WWOX: variants seen among roughly 807,000 people sequenced by gnomAD.
The protein encoded by WWOX is WW domain containing oxidoreductase, also known as WW domain-containing oxidoreductase.
A neutral mutation model predicts 46.2 loss-of-function variants in WWOX; 69 were observed. The observed-to-expected ratio is 1.49, with a 90% CI of 1.23 to 1.82. The LOEUF (loss-of-function observed/expected upper bound fraction) is 1.82, where lower values mean the gene tolerates loss of function less well. Among genes scored for constraint, WWOX ranks in the 40% most tolerant of loss-of-function variants. WWOX has a pLI of 0.00. For synonymous variants in WWOX, 359 were observed against 202.6 expected, an observed-to-expected ratio of 1.77 and a Z score of -6.56; for missense variants, 919 against 542.6, an observed-to-expected ratio of 1.69 and a Z score of -6.89.
intron 8 of WWOX, among the ~76,000 whole-genome samples, chr16:79,172,540 G>A (rs1427914154): frequency 6.6e-6 from 1 of 152,152 alleles, no homozygotes; most frequent in African/African-American, 2.4e-5. Flanking sequence ...GTGGCTGCAT[G>A]AATTGCATCC....
At chr16:78,805,970 C>T (rs920856291) in intron 8 of WWOX, among the ~76,000 whole-genome samples, 4 of 152,124 alleles carry the variant, frequency 2.6e-5, no homozygotes, top group African/African-American at 9.7e-5. Context: ...AATCTCGAGA[C>T]AGAAGTGGAG....
At chr16:78,590,905 C>G (rs1457469004) in intron 8 of WWOX, among the ~76,000 whole-genome samples, 2 of 152,168 alleles carry the variant, frequency 1.3e-5, no homozygotes, top group Non-Finnish European at 1.5e-5. Context: ...ACAAAGGACA[C>G]TGTGCATTTC....
intron 5 of WWOX, among the ~76,000 whole-genome samples, chr16:78,210,921 C>T (rs1057065688): frequency 7.9e-5 from 12 of 152,270 alleles, no homozygotes; most frequent in Admixed American, 1.3e-4. Flanking sequence ...GTTAAAGATT[C>T]TGTTAAGAGC....
At chr16:78,359,936 C>G (rs886815582) in intron 5 of WWOX, among the ~76,000 whole-genome samples, 3 of 152,172 alleles carry the variant, frequency 2.0e-5, no homozygotes, top group African/African-American at 7.2e-5. Context: ...GGGAACAACA[C>G]TCATCTTGCA....
At chr16:78,138,855 C>A (rs1353021923) in intron 4 of WWOX, among the ~76,000 whole-genome samples, 2 of 152,210 alleles carry the variant, frequency 1.3e-5, no homozygotes, top group African/African-American at 4.8e-5. Context: ...TTCTGAATTG[C>A]AATCATCATT....
chr16:78,492,309 C>G (rs1340119119), intron 8 of WWOX, among the ~76,000 whole-genome samples: 1 of 152,148 alleles, frequency 6.6e-6, no homozygotes, highest in East Asian at 1.9e-4. Context: ...TAATTTTTTT[C>G]TTCTTTTCTA....
At chr16:79,028,494 A>C (rs973138939) in intron 8 of WWOX, among the ~76,000 whole-genome samples, 7 of 151,620 alleles carry the variant, frequency 4.6e-5, no homozygotes, top group Admixed American at 2.0e-4. Flanking sequence ...TAGGCTGCAA[A>C]TCTATCATTT....
At chr16:79,195,138 A>T (rs973178474) in intron 8 of WWOX, among the ~76,000 whole-genome samples, 2 of 152,128 alleles carry the variant, frequency 1.3e-5, no homozygotes, top group Non-Finnish European at 2.9e-5. Flanking sequence ...CAGACTGGTT[A>T]TGTATATTTC....
intron 8 of WWOX, among the ~76,000 whole-genome samples, chr16:79,018,610 A>G (rs999324477): frequency 2.0e-5 from 3 of 152,302 alleles, no homozygotes; most frequent in South Asian, 2.1e-4. Flanking sequence ...GGTCATGTCT[A>G]TAAGACACCA....
intron 5 of WWOX, among the ~76,000 whole-genome samples, chr16:78,319,488 C>T (rs1019964369): frequency 4.6e-5 from 7 of 152,008 alleles, no homozygotes; most frequent in African/African-American, 4.8e-5. Flanking sequence ...TCTCAAACCC[C>T]TGGGCTCAAG....
At chr16:78,859,828 T>C in intron 8 of WWOX, among the ~76,000 whole-genome samples, 1 of 89,212 alleles carries the variant, frequency 1.1e-5, no homozygotes, top group African/African-American at 3.4e-5. Flanking sequence ...TTTAATGTGA[T>C]TTAACAGTGA....
intron 5 of WWOX, among the ~76,000 whole-genome samples, chr16:78,265,190 G>A (rs1007252335): frequency 4.7e-5 from 7 of 150,102 alleles, no homozygotes; most frequent in Non-Finnish European, 7.4e-5. Context: ...TGGTAGAAAC[G>A]GGGTTTCATC....
chr16:78,593,832 A>C (rs924049853), intron 8 of WWOX, among the ~76,000 whole-genome samples: 3 of 152,142 alleles, frequency 2.0e-5, no homozygotes, highest in African/African-American at 7.2e-5. Context: ...AGCTGAGGAC[A>C]TACGAGGAGT....
At chr16:78,508,347 C>T (rs1480649297) in intron 8 of WWOX, among the ~76,000 whole-genome samples, 1 of 106,456 alleles carries the variant, frequency 9.4e-6, no homozygotes, top group Non-Finnish European at 1.7e-5. Flanking sequence ...TTTTAACGCT[C>T]ATCAGCTATT....
intron 8 of WWOX, among the ~76,000 whole-genome samples, chr16:78,663,731 G>T (rs2047268080): frequency 6.6e-6 from 1 of 152,070 alleles, no homozygotes; most frequent in African/African-American, 2.4e-5. Flanking sequence ...GATTGTGTGT[G>T]TGATCAGTGA....
chr16:78,339,779 A>C (rs1252723010), intron 5 of WWOX, among the ~76,000 whole-genome samples: 1 of 116,752 alleles, frequency 8.6e-6, no homozygotes, highest in Non-Finnish European at 2.0e-5. Context: ...GGGAAGTACA[A>C]ACCCTTGTGA....
At chr16:79,015,504 TC>T (rs1247402316) in intron 8 of WWOX, among the ~76,000 whole-genome samples, 1 of 152,150 alleles carries the variant, frequency 6.6e-6, no homozygotes, top group Non-Finnish European at 1.5e-5. Flanking sequence ...CGTCTTTATT[TC>T]TTTTCCTTCC....
chr16:78,888,478 G>C (rs2044515880), intron 8 of WWOX, among the ~76,000 whole-genome samples: 1 of 152,138 alleles, frequency 6.6e-6, no homozygotes, highest in Non-Finnish European at 1.5e-5. Flanking sequence ...GGTGCTATTA[G>C]CTGGTGCTAA....
intron 5 of WWOX, among the ~76,000 whole-genome samples, chr16:78,227,342 ATG>A (rs1439169383): frequency 6.8e-6 from 1 of 146,292 alleles, no homozygotes; most frequent in East Asian, 3.2e-4. Context: ...GGAGGTAATC[ATG>A]TGTTACCTGA....
Sources: allele counts gnomAD v4.1 joint callset (sites outside exome capture counted in the v4.1 genomes callset), GRCh38; gene constraint gnomAD v4.1.1; transcripts MANE v1.5; gene names NCBI Gene and HGNC (gene_info 2026-07-23, HGNC 2026-07-21).